The following STXBP3 variants were observed in gnomAD, a reference collection of about 807,000 sequenced individuals.
STXBP3 encodes the protein syntaxin binding protein 3, also known as syntaxin-binding protein 3.
In STXBP3, 41 loss-of-function variants were observed where a neutral mutation model predicts 85.7. The ratio of observed to expected loss-of-function variants is 0.48; its 90% CI spans 0.37 to 0.62. STXBP3 has a LOEUF of 0.62. Ranked by LOEUF, STXBP3 falls within the 20% of genes least tolerant of loss-of-function variation. STXBP3 has a pLI of 0.00. For missense variants in STXBP3, 563 were observed against 703.1 expected (o/e 0.80, Z 2.25); for synonymous variants, 229 against 231.7 (o/e 0.99, Z 0.10).
rs759978297 is a variant in STXBP3 at position 108,807,406 on chromosome 1, G to T, written c.1541G>T (p.Arg514Leu). 1 of 1,598,898 alleles carries T rather than the reference G, an allele frequency of 6.3e-7. No individual in the cohort carries two copies. Among genetic ancestry groups the T allele is most frequent in the Non-Finnish European group, 8.5e-7 (1 of 1,176,162 alleles). Reference protein sequence around the residue: ...VWNGSGAVSARQKPRANYLED... With the variant: ...VWNGSGAVSALQKPRANYLED... ...TTTTTTAAATTACTTTTTAGTGCTCGCCAGAAACCCAGAGCTAATTATTTA... is the reference window on the plus strand; with the variant it reads ...TTTTTTAAATTACTTTTTAGTGCTCTCCAGAAACCCAGAGCTAATTATTTA... The change falls in exon 18 of 19, where the codon CGC becomes CTC. Residue 514 changes from arginine (R) to leucine (L), a missense_variant. Arg to Leu is a moderately radical substitution (Grantham distance 102). Coordinates refer to ENST00000370008, the MANE Select transcript of STXBP3 (RefSeq NM_007269.4).
At chr1:108,769,894 G>A (rs1046211171) in intron 6 of STXBP3, among the ~76,000 whole-genome samples, 3 of 152,188 alleles carry the variant, frequency 2.0e-5, no homozygotes, top group Admixed American at 2.0e-4. Flanking sequence ...TAGTACTGAG[G>A]CCGAAGGGCT....
rs1279164864 is a variant in STXBP3, at chr1:108,796,149, C to T, written c.1111-85C>T. The T allele has an allele frequency of 3.5e-6, 5 of 1,449,230 alleles. No homozygotes were observed. In the African/African-American group the frequency reaches 7.1e-5, roughly 21 times the overall value. 89.8% of individuals were successfully genotyped at this position (1,449,230 alleles called of 1,614,324 possible). ...AAGTGCTGGGATTACAGGCGTGAGC[C>T]ACTGTACCCAGCCAATAATAGATGT... On this transcript the variant is annotated intron_variant, in intron 13 of 18. Coordinates refer to ENST00000370008, the MANE Select transcript of STXBP3 (RefSeq NM_007269.4).
chr1:108,786,333 GA>G (rs1208477603), intron 11 of STXBP3, among the ~76,000 whole-genome samples: 2 of 152,092 alleles, frequency 1.3e-5, no homozygotes, highest in Admixed American at 6.6e-5. Context: ...CAGCATGGGG[GA>G]AACTGCCCCC....
chr1:108,771,488 CATATATAAATATATATG>C lies in STXBP3; in HGVS notation c.439-1152_439-1136del, dbSNP rs1557805565. On this transcript the variant is annotated intron_variant, in intron 6 of 18. Coordinates refer to ENST00000370008, the MANE Select transcript of STXBP3 (RefSeq NM_007269.4). ...ATATATGATATATATCTATATATAT[CATATATAAATATATATG>C]ATATATAAATATATATGATATATAT... Among the ~76,000 whole-genome samples, 148 of 14,846 alleles carry C rather than the reference CATATATAAATATATATG, an allele frequency of 1.0e-2. 6 individuals are homozygous for C. Among genetic ancestry groups the C allele is most frequent in the Non-Finnish European group, 0.017 (107 of 6,390 alleles). The allele number at this position is 14,846 out of a possible 152,430, so 9.7% of individuals were successfully genotyped here. A position where few individuals can be genotyped will look rare whatever the true frequency, so the allele number is the denominator to read the frequency against.
At chr1:108,747,125 CTT>C (rs370042961) in intron 1 of STXBP3, among the ~76,000 whole-genome samples, 4 of 93,656 alleles carry the variant, frequency 4.3e-5, no homozygotes, top group African/African-American at 7.8e-5. Context: ...GCTCCCCACT[CTT>C]CTCCGCTCCC....
intron 6 of STXBP3, 128 bp downstream of exon 6, chr1:108,760,213 A>G: frequency 1.9e-6 from 1 of 532,124 alleles, no homozygotes; most frequent in South Asian, 3.0e-5. Context: ...TAATCCACAA[A>G]TAGACATTTC....
At chr1:108,802,214 T>C (rs576294622) in intron 17 of STXBP3, among the ~76,000 whole-genome samples, 96 of 152,096 alleles carry the variant, frequency 6.3e-4, no homozygotes, top group African/African-American at 2.2e-3. Context: ...CTGATCAACA[T>C]AGTGAAACCC....
chr1:108,791,464 T>C (rs190911402), intron 11 of STXBP3, among the ~76,000 whole-genome samples: 19 of 152,214 alleles, frequency 1.2e-4, no homozygotes, highest in Non-Finnish European at 2.2e-4. Flanking sequence ...CTTCTCTCTT[T>C]CTGGGACCCC....
At chr1:108,795,674 T>A (rs989806318) in intron 13 of STXBP3, among the ~76,000 whole-genome samples, 3 of 152,206 alleles carry the variant, frequency 2.0e-5, no homozygotes, top group Non-Finnish European at 4.4e-5. Flanking sequence ...TGTTCAGTAG[T>A]CATATGTGGC....
chr1:108,757,083 A>T (rs1662037637), intron 4 of STXBP3: 1 of 179,884 alleles, frequency 5.6e-6, no homozygotes, highest in Non-Finnish European at 1.2e-5. Context: ...TAATGTAGGT[A>T]AAAGAAATAA....
At position 108,771,478 on chromosome 1, in the gene STXBP3, C is replaced by CTA. The variant is rs1370532171; in HGVS notation, c.439-1179_439-1178dup. Among the ~76,000 whole-genome samples the CTA allele has an allele frequency of 2.6e-3, 57 of 21,978 alleles. 1 individual carries two copies. The highest frequency in any genetic ancestry group is 7.3e-3 in the African/African-American group (34 of 4,664). 14.4% of individuals were successfully genotyped at this position (21,978 alleles called of 152,430 possible). A position where few individuals can be genotyped will look rare whatever the true frequency, so the allele number is the denominator to read the frequency against. Reference sequence around the variant, plus strand: ...ATATATAAATATATATGATATATATCTATATATATCATATATAAATATATA... The same window carrying CTA: ...ATATATAAATATATATGATATATATCTATATATATATCATATATAAATATATA... On this transcript the variant is annotated intron_variant, in intron 6 of 18. Coordinates refer to ENST00000370008, the MANE Select transcript of STXBP3 (RefSeq NM_007269.4).
intron 6 of STXBP3, among the ~76,000 whole-genome samples, chr1:108,762,954 T>C (rs924961789): frequency 6.6e-6 from 1 of 152,228 alleles, no homozygotes; most frequent in African/African-American, 2.4e-5. Context: ...TACCTGGAAC[T>C]AGAAACATAC....
chr1:108,788,918 A>G (rs1049566769), intron 11 of STXBP3, among the ~76,000 whole-genome samples: 1 of 152,080 alleles, frequency 6.6e-6, no homozygotes, highest in Admixed American at 6.5e-5. Flanking sequence ...TACAAAAATT[A>G]GCCGAGCTTG....
intron 1 of STXBP3, among the ~76,000 whole-genome samples, chr1:108,748,560 A>G (rs868817506): frequency 3.7e-4 from 56 of 151,958 alleles, no homozygotes; most frequent in African/African-American, 1.3e-3. Context: ...GCCCGGGCAC[A>G]GTGGCTCACG....
At chr1:108,792,149 A>C (rs1662986341) in intron 11 of STXBP3, among the ~76,000 whole-genome samples, 1 of 152,204 alleles carries the variant, frequency 6.6e-6, no homozygotes, top group African/African-American at 2.4e-5. Flanking sequence ...ATCATTTGCT[A>C]ACTTAAAGTC....
At chr1:108,761,517 G>A (rs746049244) in intron 6 of STXBP3, among the ~76,000 whole-genome samples, 7 of 151,332 alleles carry the variant, frequency 4.6e-5, no homozygotes, top group Non-Finnish European at 1.0e-4. Flanking sequence ...TAATTTGATG[G>A]TGAATAGAAA....
intron 3 of STXBP3, among the ~76,000 whole-genome samples, chr1:108,755,543 T>A (rs1207169880): frequency 6.6e-6 from 1 of 152,154 alleles, no homozygotes; most frequent in Non-Finnish European, 1.5e-5. Context: ...GTTTGATAGA[T>A]GTGTATTTTT....
chr1:108,808,340 C>T (rs1403978320), intron 18 of STXBP3, among the ~76,000 whole-genome samples: 2 of 152,054 alleles, frequency 1.3e-5, no homozygotes, highest in South Asian at 2.1e-4. Context: ...AGCAAAACTC[C>T]GTCTCTACAA....
chr1:108,762,673 C>G (rs1286606182), intron 6 of STXBP3, among the ~76,000 whole-genome samples: 1 of 152,046 alleles, frequency 6.6e-6, no homozygotes, highest in African/African-American at 2.4e-5. Context: ...TTTCTTCCTA[C>G]CTCATTTTTG....
Sources: gnomAD v4.1 joint callset for allele counts (sites outside exome capture counted in the v4.1 genomes callset) on GRCh38, gnomAD v4.1.1 for gene constraint, MANE v1.5 for transcripts, NCBI Gene and HGNC (gene_info 2026-07-23, HGNC 2026-07-21) for gene names.